Variants in CACUL1 observed in about 807,000 individuals in gnomAD.
The protein encoded by CACUL1 is CDK2 associated cullin domain 1.
CACUL1 carries 13 observed loss-of-function variants against 45.2 expected under a neutral mutation model. The ratio of observed to expected loss-of-function variants is 0.29; its 90% confidence interval spans 0.19 to 0.46. The LOEUF is 0.46. CACUL1 is among the 20% of genes least tolerant of loss of function. The pLI, the probability that CACUL1 is intolerant of heterozygous loss-of-function variation, is 1.00. For missense variants in CACUL1, 421 were observed against 471.4 expected, an observed-to-expected ratio of 0.89 and a Z score of 0.99; for synonymous variants, 197 against 174.2, an observed-to-expected ratio of 1.13 and a Z score of -1.03.
In CACUL1 at chr10:118,676,545, C is replaced by CT. The variant is rs1486227110; in HGVS notation, c.*9582dup. 6.6e-6 allele frequency: 1 copy of CT among 152,118 alleles called. No homozygotes were observed. Among genetic ancestry groups the CT allele is most frequent in the Non-Finnish European group, 1.5e-5 (1 of 68,022 alleles). 9.4% of individuals were successfully genotyped at this position (152,118 alleles called of 1,614,324 possible). On this transcript the variant is annotated 3_prime_UTR_variant, in exon 9 of 9. Transcript: ENST00000369151. ...CCACAGATCTTAATTAATGAAGTGA[C>CT]TTATTCAGCTACAATAGTCATTAAA...
chr10:118,743,310 A>C (rs1233781864), intron 1 of CACUL1, among the ~76,000 whole-genome samples: 1 of 152,156 alleles, frequency 6.6e-6, no homozygotes, highest in Non-Finnish European at 1.5e-5. Flanking sequence ...ATAATGAATA[A>C]TTTTCCAAAT....
chr10:118,704,154 G>A (rs1845411451), intron 4 of CACUL1, among the ~76,000 whole-genome samples: 1 of 151,508 alleles, frequency 6.6e-6, no homozygotes, highest in Admixed American at 6.6e-5. Context: ...ATTTTGGGAG[G>A]CCAAGGTGGA....
chr10:118,741,484 C>CA (rs552321918), intron 1 of CACUL1, among the ~76,000 whole-genome samples: 5,936 of 151,180 alleles, frequency 0.039, 355 homozygotes, highest in African/African-American at 0.13. Flanking sequence ...ACACACACAC[C>CA]CCCTCACTTC....
chr10:118,698,804 G>T (rs540777365), intron 5 of CACUL1, among the ~76,000 whole-genome samples: 2 of 152,264 alleles, frequency 1.3e-5, no homozygotes, highest in East Asian at 1.9e-4. Context: ...ATTTTTGGAT[G>T]ATTTGTTATA....
rs143132869 is a variant in CACUL1 at position 118,712,089 on chromosome 10, A to C, written c.598-4502T>G. 5.8e-3 allele frequency among the ~76,000 whole-genome samples: 887 copies of C among 152,376 alleles called. 11 individuals are homozygous for C. The highest frequency in any genetic ancestry group is 0.019 in the African/African-American group (800 of 41,588). On this transcript the variant is annotated intron_variant, in intron 3 of 8. Coordinates refer to ENST00000369151, the MANE Select transcript of CACUL1 (RefSeq NM_153810.5). The stretch of plus-strand genomic sequence containing the variant: ...GCTTTGCTTTTTCCCCAAAGAAAAC[A>C]AGAAAAAAACTGCCAGAAAAATAAT...
At chr10:118,749,786 T>C (rs966620903) in intron 1 of CACUL1, among the ~76,000 whole-genome samples, 2 of 152,166 alleles carry the variant, frequency 1.3e-5, no homozygotes, top group African/African-American at 4.8e-5. Flanking sequence ...ATCAGGGGCT[T>C]ATGGACGTCA....
rs375075611 is a variant in CACUL1, at chr10:118,754,472, G to A, written c.291C>T (p.Ala97=). The change falls in exon 1 of 9, where the codon GCC becomes GCT. Residue 97 remains alanine, a synonymous_variant. Coordinates refer to ENST00000369151, the MANE Select transcript of CACUL1 (RefSeq NM_153810.5). The part of the protein sequence containing the change: ...VIMMLKSCDA[A]AAVAKAAPAP... ...CGGGGGCCGCCTTGGCCACGGCGGC[G>A]GCCGCGTCGCAGCTCTTCAACATCA... The A allele has an allele frequency of 3.8e-5, 61 of 1,609,284 alleles. No individual in the cohort carries two copies. Among genetic ancestry groups the A allele is most frequent in the Non-Finnish European group, 5.1e-5 (60 of 1,178,074 alleles).
intron 5 of CACUL1, among the ~76,000 whole-genome samples, chr10:118,697,862 C>G (rs948571570): frequency 6.6e-6 from 1 of 152,160 alleles, no homozygotes; most frequent in African/African-American, 2.4e-5. Flanking sequence ...CACCAACATA[C>G]GACGTAAATA....
At chr10:118,745,556 G>A (rs963739924) in intron 1 of CACUL1, among the ~76,000 whole-genome samples, 5 of 150,236 alleles carry the variant, frequency 3.3e-5, no homozygotes, top group Admixed American at 2.0e-4. Flanking sequence ...GTGAGACTCC[G>A]TCTCAAAAAA....
chr10:118,713,693 C>T (rs1845514781), intron 3 of CACUL1, among the ~76,000 whole-genome samples: 1 of 152,194 alleles, frequency 6.6e-6, no homozygotes, highest in African/African-American at 2.4e-5. Flanking sequence ...CCAACCAATA[C>T]TTTTTATATC....
chr10:118,687,334 T>C (rs972166037), intron 7 of CACUL1, among the ~76,000 whole-genome samples: 14 of 152,178 alleles, frequency 9.2e-5, no homozygotes, highest in African/African-American at 3.4e-4. Context: ...ATTTGGATGA[T>C]TTATATACAC....
In CACUL1 at chr10:118,685,476, CAGG is replaced by C. The variant is rs1339792999; in HGVS notation, c.*649_*651del. The C allele has an allele frequency of 2.0e-5, 3 of 152,654 alleles. No homozygotes were observed. The East Asian group carries it at 5.8e-4, about 29-fold the overall frequency. 9.5% of individuals were successfully genotyped at this position (152,654 alleles called of 1,614,324 possible). A position where few individuals can be genotyped will look rare whatever the true frequency, so the allele number is the denominator to read the frequency against. ...TGAGTTTAGATACCATACACTTCTC[CAGG>C]AGGAGTTTGACAACATGGTCACACA... On this transcript the variant is annotated 3_prime_UTR_variant, in exon 9 of 9. Coordinates refer to ENST00000369151, the MANE Select transcript of CACUL1 (RefSeq NM_153810.5).
At chr10:118,708,365 C>A (rs1385851257) in intron 3 of CACUL1, among the ~76,000 whole-genome samples, 1 of 145,294 alleles carries the variant, frequency 6.9e-6, no homozygotes, top group Non-Finnish European at 1.5e-5. Flanking sequence ...TCTATGCTAA[C>A]TTGGTTGTAA....
chr10:118,728,206 C>G (rs1845668840), intron 3 of CACUL1, among the ~76,000 whole-genome samples: 1 of 152,112 alleles, frequency 6.6e-6, no homozygotes, highest in South Asian at 2.1e-4. Context: ...GAACAATATC[C>G]AAGCCCAAAG....
intron 4 of CACUL1, among the ~76,000 whole-genome samples, chr10:118,702,727 G>A (rs981580952): frequency 1.4e-4 from 21 of 151,840 alleles, no homozygotes; most frequent in African/African-American, 3.4e-4. Flanking sequence ...GATTACAGGC[G>A]TATACCACCA....
chr10:118,747,022 C>T (rs954458348), intron 1 of CACUL1, among the ~76,000 whole-genome samples: 1 of 152,138 alleles, frequency 6.6e-6, no homozygotes, highest in Non-Finnish European at 1.5e-5. Context: ...CAGATCAGCG[C>T]AGGAATTAGA....
chr10:118,696,330 T>A (rs888244951), intron 5 of CACUL1, among the ~76,000 whole-genome samples: 1 of 151,820 alleles, frequency 6.6e-6, no homozygotes, highest in Non-Finnish European at 1.5e-5. Context: ...TAAAAAAAAA[T>A]TGCAAAAAAA....
chr10:118,730,540 C>T (rs1446316881), intron 1 of CACUL1, 130 bp from the exon 2 acceptor site: 4 of 869,340 alleles, frequency 4.6e-6, no homozygotes, highest in Non-Finnish European at 6.9e-6. Context: ...TATCACCTAA[C>T]TATCCTATTT....
chr10:118,701,481 A>C, intron 4 of CACUL1, 73 bp from the exon 5 acceptor site: 2 of 762,988 alleles, frequency 2.6e-6, no homozygotes, highest in Non-Finnish European at 4.0e-6. Context: ...TGGAGCACTA[A>C]ATATTTTAGA....
Sources: allele counts gnomAD v4.1 joint callset (sites outside exome capture counted in the v4.1 genomes callset), GRCh38; gene constraint gnomAD v4.1.1; transcripts MANE v1.5; gene names NCBI Gene and HGNC (gene_info 2026-07-23, HGNC 2026-07-21).